Variants in RPTOR observed in about 807,000 individuals in gnomAD.
RPTOR encodes regulatory associated protein of MTOR complex 1.
Under a neutral mutation model 169.9 loss-of-function variants are expected in RPTOR, and 21 were observed. The ratio of observed to expected loss-of-function variants is 0.12; its 90% confidence interval spans 0.09 to 0.18. The LOEUF is 0.18. Among genes scored for constraint, RPTOR ranks in the 10% least tolerant of loss-of-function variants. The probability of loss-of-function intolerance (pLI) is 1.00; values close to 1 mark genes in which losing one functional copy is unlikely to be tolerated. For missense variants in RPTOR, 1,133 were observed against 1,855.9 expected, an observed-to-expected ratio of 0.61 and a Z score of 7.16; for synonymous variants, 732 against 753.2, an observed-to-expected ratio of 0.97 and a Z score of 0.46.
intron 2 of RPTOR, among the ~76,000 whole-genome samples, chr17:80,631,623 T>C (rs2065443060): frequency 6.6e-6 from 1 of 151,568 alleles, no homozygotes; most frequent in South Asian, 2.1e-4. Context: ...AGCTTTCTCA[T>C]GTTGATAGGA....
intron 3 of RPTOR, among the ~76,000 whole-genome samples, chr17:80,696,842 C>T (rs12945216): frequency 0.18 from 27,073 of 152,158 alleles, 2,846 homozygotes; most frequent in East Asian, 0.24. Context: ...GAGGGGAACA[C>T]GGTGGCACCC....
chr17:80,891,832 C>A lies in RPTOR; in HGVS notation c.2096C>A (p.Thr699Asn), dbSNP rs753461897. 31 of 1,607,682 alleles carry A rather than the reference C, an allele frequency of 1.9e-5. No individual in the cohort carries two copies. Among genetic ancestry groups the A allele is most frequent in the African/African-American group, 2.7e-5 (2 of 74,682 alleles). ...AACTACGCCTTGCCTTCTCCAGCAA[C>A]CACAGGTATGGCGTCTTCTCCTGTG... ...EKNYALPSPA[T>N]TEGGSLTPVR... The change falls in exon 18 of 34, where the codon ACC becomes AAC. Residue 699 changes from threonine to asparagine, a missense_variant. This residue lies in a region of RPTOR where 150 missense variants were observed against 206.4 expected (regional missense o/e 0.73). Coordinates refer to ENST00000306801, the MANE Select transcript of RPTOR (RefSeq NM_020761.3).
At chr17:80,736,892 G>C (rs1222236597) in intron 5 of RPTOR, among the ~76,000 whole-genome samples, 1 of 152,216 alleles carries the variant, frequency 6.6e-6, no homozygotes, top group Non-Finnish European at 1.5e-5. Flanking sequence ...GGAGGGATCT[G>C]CGGTGCCGAT....
chr17:80,764,299 C>A (rs1229586854), intron 6 of RPTOR, among the ~76,000 whole-genome samples: 1 of 140,322 alleles, frequency 7.1e-6, no homozygotes, highest in East Asian at 2.2e-4. Flanking sequence ...TCTCCTAATG[C>A]TATCCCTCCC....
At position 80,959,412 on chromosome 17, in the gene RPTOR, C is replaced by T. The variant is rs563378388; in HGVS notation, c.3478-666C>T. On this transcript the variant is annotated intron_variant, in intron 29 of 33. Transcript: ENST00000306801. The surrounding 1 kb of genome is among the most constrained non-coding windows in gnomAD (Gnocchi z 6.7). ...AGAGCGCAGCAGGTGCTCCCAGAGC[C>T]GGCTCTGCCCCTCGCAGGGGTCTGG... Among the ~76,000 whole-genome samples the T allele has an allele frequency of 1.1e-4, 16 of 152,300 alleles. No homozygotes were observed. Among genetic ancestry groups the T allele is most frequent in the Middle Eastern group, 3.4e-3 (1 of 294 alleles).
intron 3 of RPTOR, among the ~76,000 whole-genome samples, chr17:80,679,975 C>T (rs1454497927): frequency 5.9e-5 from 9 of 151,980 alleles, no homozygotes; most frequent in Admixed American, 5.9e-4. Context: ...AGGAAGACCT[C>T]CCCCAGAGTC....
chr17:80,919,059 C>G (rs2068714436), intron 21 of RPTOR, among the ~76,000 whole-genome samples: 1 of 152,208 alleles, frequency 6.6e-6, no homozygotes, highest in Non-Finnish European at 1.5e-5. Context: ...GCGTTCTCTT[C>G]CCGCAGCGCC....
At chr17:80,702,323 T>C (rs1341708466) in intron 3 of RPTOR, among the ~76,000 whole-genome samples, 1 of 152,212 alleles carries the variant, frequency 6.6e-6, no homozygotes, top group Non-Finnish European at 1.5e-5. Context: ...TGTGCATATA[T>C]TTTCTTGCAC....
chr17:80,571,942 T>C (rs747598937), intron 1 of RPTOR, among the ~76,000 whole-genome samples: 1 of 152,238 alleles, frequency 6.6e-6, no homozygotes, highest in Non-Finnish European at 1.5e-5. Context: ...GAAAAACATT[T>C]AGGTATGCTG....
chr17:80,784,791 C>T (rs1598302218), intron 6 of RPTOR, among the ~76,000 whole-genome samples: 3 of 150,156 alleles, frequency 2.0e-5, no homozygotes. Context: ...CTCCGCCTCC[C>T]GAGTTCAAGT....
chr17:80,892,676 G>T lies in RPTOR; in HGVS notation c.2102-53G>T, dbSNP rs550796693. 169 of 1,588,568 alleles carry T rather than the reference G, an allele frequency of 1.1e-4. No homozygotes were observed. The African/African-American group carries it at 1.9e-3, about 18-fold the overall frequency. On this transcript the variant is annotated intron_variant, in intron 18 of 33. Coordinates refer to ENST00000306801, the MANE Select transcript of RPTOR (RefSeq NM_020761.3). ...CCAGCTGCTGAGTGTCAGAAGACAC[G>T]CTGGCCTCCACCTGGAAGCCCATTG... is the stretch of plus-strand genomic sequence containing the variant.
At chr17:80,566,823 C>CAAAAAAAAAA (rs56295360) in intron 1 of RPTOR, among the ~76,000 whole-genome samples, 9 of 83,976 alleles carry the variant, frequency 1.1e-4, no homozygotes, top group African/African-American at 4.5e-4. Context: ...GACTCCGTCT[C>CAAAAAAAAAA]AAAAAAAAAA....
At chr17:80,689,324 C>T (rs1353993947) in intron 3 of RPTOR, among the ~76,000 whole-genome samples, 1 of 152,198 alleles carries the variant, frequency 6.6e-6, no homozygotes, top group Non-Finnish European at 1.5e-5. Flanking sequence ...CTCACAGAAA[C>T]CATGCACTCC....
intron 2 of RPTOR, among the ~76,000 whole-genome samples, chr17:80,634,533 T>C (rs1392481210): frequency 3.0e-5 from 4 of 131,294 alleles, no homozygotes; most frequent in African/African-American, 1.2e-4. Context: ...ACTGTGTGCA[T>C]GTGCGTACTG....
At chr17:80,921,475 C>T (rs994096310) in intron 21 of RPTOR, among the ~76,000 whole-genome samples, 5 of 152,244 alleles carry the variant, frequency 3.3e-5, no homozygotes, top group African/African-American at 4.8e-5. Flanking sequence ...TGGGCCCTCG[C>T]GAGGTCATGT....
At position 80,726,369 on chromosome 17, in the gene RPTOR, C is replaced by T. The variant is rs978715241; in HGVS notation, c.508-4191C>T. Among the ~76,000 whole-genome samples, 1 of 152,178 alleles carries T rather than the reference C, an allele frequency of 6.6e-6. No homozygotes were observed. The highest frequency in any genetic ancestry group is 1.5e-5 in the Non-Finnish European group (1 of 68,038). The stretch of plus-strand genomic sequence containing the variant: ...ACCCTGCCGGTAACCTGGTGCTCGC[C>T]GCCCACAGATCACGGGGCGTGGAGG... On this transcript the variant is annotated intron_variant, in intron 4 of 33. Transcript: ENST00000306801. This position sits in a 1 kb window ranked among gnomAD's most constrained non-coding sequence, Gnocchi z 4.5.
At chr17:80,838,948 C>T (rs1194308647) in intron 10 of RPTOR, among the ~76,000 whole-genome samples, 1 of 152,238 alleles carries the variant, frequency 6.6e-6, no homozygotes, top group Non-Finnish European at 1.5e-5. Flanking sequence ...GCACAGGGCC[C>T]TTGGGAATTC....
At chr17:80,615,791 G>T (rs1224503305) in intron 1 of RPTOR, among the ~76,000 whole-genome samples, 1 of 151,936 alleles carries the variant, frequency 6.6e-6, no homozygotes, top group Non-Finnish European at 1.5e-5. Flanking sequence ...GTTAGCCCTT[G>T]TCATTAATGT....
intron 3 of RPTOR, among the ~76,000 whole-genome samples, chr17:80,656,884 G>T (rs956409943): frequency 1.3e-5 from 2 of 152,232 alleles, no homozygotes; most frequent in African/African-American, 4.8e-5. Context: ...GTATTGAGTG[G>T]CAGGGAGCCG....
Sources: gnomAD v4.1 joint callset for allele counts (sites outside exome capture counted in the v4.1 genomes callset) on GRCh38, gnomAD v4.1.1 for gene constraint, gnomAD v4.1.1 regional missense constraint, Gnocchi (gnomAD v3.1) non-coding constraint, MANE v1.5 for transcripts, NCBI Gene and HGNC (gene_info 2026-07-23, HGNC 2026-07-21) for gene names.